The following DHRSX variants were observed in gnomAD, a reference collection of about 807,000 sequenced individuals.
The protein encoded by DHRSX is dehydrogenase/reductase X-linked.
A neutral mutation model predicts 34.0 loss-of-function variants in DHRSX; 31 were observed. The observed-to-expected ratio is 0.91, with a 90% CI of 0.69 to 1.23. The LOEUF is 1.23. Ranked by LOEUF, DHRSX falls within the 50% of genes most tolerant of loss-of-function variation. The probability of loss-of-function intolerance (pLI) is 0.00; values close to 1 mark genes in which losing one functional copy is unlikely to be tolerated. For missense variants in DHRSX, 414 were observed against 428.1 expected (o/e 0.97, Z 0.29); for synonymous variants, 201 against 183.8 (o/e 1.09, Z -0.76).
Position 2,425,302 on chromosome X carries a change from A to T in DHRSX, c.112T>A (p.Phe38Ile). The T allele has an allele frequency of 1.2e-6, 2 of 1,611,462 alleles. No homozygotes were observed. The highest frequency in any genetic ancestry group is 1.1e-5 in the South Asian group (1 of 90,738). ...GCGACACGGTCAGGTCGTGGGGGGA[A>T]AACTGAAAAAGAAGAAGAGAAAATC... ...RCRGGFLEPVFPPRPDRVAIV... is the reference protein window; with the variant it reads ...RCRGGFLEPVIPPRPDRVAIV... Residue 38 changes from phenylalanine to isoleucine, a missense_variant and splice_region_variant, in exon 2 of 7, where the codon TTC (phenylalanine) becomes ATC (isoleucine). Transcript: ENST00000334651.
intron 1 of DHRSX, among the ~76,000 whole-genome samples, chrX:2,448,921 G>A (rs779847947): frequency 1.4e-4 from 22 of 152,130 alleles, no homozygotes; most frequent in South Asian, 4.1e-4. Flanking sequence ...GGGCGCGGTG[G>A]CTCACGCCTG....
chrX:2,272,324 A>G (rs867634064), intron 4 of DHRSX, among the ~76,000 whole-genome samples: 2 of 152,126 alleles, frequency 1.3e-5, no homozygotes, highest in Non-Finnish European at 2.9e-5. Context: ...TTCCCAGCTT[A>G]GGAGAGACGA....
chrX:2,443,093 T>C (rs1416448097), intron 1 of DHRSX, among the ~76,000 whole-genome samples: 1 of 152,092 alleles, frequency 6.6e-6, no homozygotes, highest in Non-Finnish European at 1.5e-5. Context: ...AGTGCAGTGG[T>C]GTGATCATGG....
intron 3 of DHRSX, among the ~76,000 whole-genome samples, chrX:2,372,792 TAG>T (rs1458063727): frequency 1.1e-4 from 17 of 151,990 alleles, no homozygotes. Flanking sequence ...GTATTTTTAG[TAG>T]AGAGACGGGG....
At chrX:2,304,667 AC>A (rs1418970649) in intron 3 of DHRSX, among the ~76,000 whole-genome samples, 1 of 151,872 alleles carries the variant, frequency 6.6e-6, no homozygotes, top group East Asian at 1.9e-4. Flanking sequence ...GCTTTCCTTC[AC>A]TTTCCACTAT....
chrX:2,408,498 G>A (rs2043586746), intron 3 of DHRSX, among the ~76,000 whole-genome samples: 1 of 152,128 alleles, frequency 6.6e-6, no homozygotes, highest in African/African-American at 2.4e-5. Flanking sequence ...AAGAGTGCAA[G>A]CTACCAGCAC....
At chrX:2,245,671 G>C (rs1465449820) in intron 5 of DHRSX, among the ~76,000 whole-genome samples, 2 of 147,350 alleles carry the variant, frequency 1.4e-5, no homozygotes, top group African/African-American at 5.0e-5. Context: ...ATAAAACCAA[G>C]CTATGGCCAG....
intron 4 of DHRSX, among the ~76,000 whole-genome samples, chrX:2,287,469 T>A (rs1418128464): frequency 6.6e-6 from 1 of 151,682 alleles, no homozygotes. Flanking sequence ...CTAATCCCCA[T>A]GTGGTAGACA....
chrX:2,471,609 A>T (rs1226972773), intron 1 of DHRSX, among the ~76,000 whole-genome samples: 1 of 151,954 alleles, frequency 6.6e-6, no homozygotes, highest in Non-Finnish European at 1.5e-5. Context: ...ACACTGTGAA[A>T]AAAGATCTGC....
At chrX:2,235,921 G>A (rs748815818) in intron 6 of DHRSX, among the ~76,000 whole-genome samples, 7 of 149,206 alleles carry the variant, frequency 4.7e-5, no homozygotes, top group African/African-American at 1.5e-4. Flanking sequence ...AGACCATCCC[G>A]GCCAACATGG....
At chrX:2,239,582 C>A (rs1339828688) in intron 6 of DHRSX, among the ~76,000 whole-genome samples, 3 of 151,614 alleles carry the variant, frequency 2.0e-5, no homozygotes, top group African/African-American at 2.4e-5. Flanking sequence ...TGGTGAAACC[C>A]CGTCTCTACT....
intron 3 of DHRSX, among the ~76,000 whole-genome samples, chrX:2,349,321 T>C (rs1206092885): frequency 6.7e-6 from 1 of 149,838 alleles, no homozygotes; most frequent in Non-Finnish European, 1.5e-5. Flanking sequence ...GGCGACAGAC[T>C]GACACTCCGT....
Position 2,332,361 on chromosome X carries a change from T to C in DHRSX, c.287-40758A>G, listed in dbSNP as rs2042490197. On this transcript the variant is annotated intron_variant, in intron 3 of 6. Transcript: ENST00000334651. ...GCCAGGAAGGGAAGGGAAGGGATGG[T>C]CAGAAGCTAGTTAGTGTGTGCAGTG... Among the ~76,000 whole-genome samples, 7 of 152,268 alleles carry C rather than the reference T, an allele frequency of 4.6e-5. No homozygotes were observed. The South Asian group carries it at 1.2e-3, about 27-fold the overall frequency.
intron 2 of DHRSX, among the ~76,000 whole-genome samples, chrX:2,418,018 C>T (rs1201779785): frequency 6.6e-6 from 1 of 151,920 alleles, no homozygotes; most frequent in Non-Finnish European, 1.5e-5. Flanking sequence ...TGACCTAACT[C>T]AACTACATTT....
chrX:2,389,314 G>A (rs1306247651), intron 3 of DHRSX, among the ~76,000 whole-genome samples: 1 of 152,170 alleles, frequency 6.6e-6, no homozygotes, highest in Non-Finnish European at 1.5e-5. Flanking sequence ...GCCAGAGGCA[G>A]CAGAAATCTC....
chrX:2,367,924 A>T (rs2043013020), intron 3 of DHRSX, among the ~76,000 whole-genome samples: 2 of 152,140 alleles, frequency 1.3e-5, no homozygotes, highest in Admixed American at 1.3e-4. Context: ...GTTGTATTCA[A>T]ATGCTTACGG....
chrX:2,414,987 C>T (rs1185086435), intron 2 of DHRSX, among the ~76,000 whole-genome samples: 1 of 151,878 alleles, frequency 6.6e-6, no homozygotes, highest in East Asian at 2.0e-4. Context: ...AACTAGATCT[C>T]ATCACGACCT....
intron 3 of DHRSX, among the ~76,000 whole-genome samples, chrX:2,355,508 A>C (rs1468641672): frequency 1.1e-5 from 1 of 94,522 alleles, no homozygotes; most frequent in African/African-American, 4.0e-5. Context: ...GCGAGACCCC[A>C]TCTAAAAAAA....
intron 3 of DHRSX, among the ~76,000 whole-genome samples, chrX:2,302,406 G>T (rs1022095376): frequency 6.6e-6 from 1 of 152,130 alleles, no homozygotes; most frequent in South Asian, 2.1e-4. Context: ...GAGGTCAGGA[G>T]CTCAAGACCA....
Sources: gnomAD v4.1 joint callset for allele counts (sites outside exome capture counted in the v4.1 genomes callset) on GRCh38, gnomAD v4.1.1 for gene constraint, MANE v1.5 for transcripts, NCBI Gene and HGNC (gene_info 2026-07-23, HGNC 2026-07-21) for gene names.